The following EXOC6B variants were observed in gnomAD, a reference collection of about 807,000 sequenced individuals.
EXOC6B encodes the protein exocyst complex component 6B.
EXOC6B carries 54 observed loss-of-function variants against 113.5 expected under a neutral mutation model. The ratio of observed to expected loss-of-function variants is 0.48; its 90% CI spans 0.38 to 0.60. The LOEUF (loss-of-function observed/expected upper bound fraction) is 0.60, where lower values mean the gene tolerates loss of function less well. EXOC6B is among the 20% of genes least tolerant of loss of function. The probability of loss-of-function intolerance (pLI) is 0.00; values close to 1 mark genes in which losing one functional copy is unlikely to be tolerated. For missense variants in EXOC6B, 797 were observed against 977.5 expected (o/e 0.82, Z 2.46); for synonymous variants, 357 against 339.0 (o/e 1.05, Z -0.58).
chr2:72,228,535 G>T (rs780085565), intron 20 of EXOC6B, among the ~76,000 whole-genome samples: 14 of 151,504 alleles, frequency 9.2e-5, no homozygotes, highest in Non-Finnish European at 8.8e-5. Context: ...TTTTCCTTGC[G>T]ATAGTTTGCT....
Position 72,741,291 on chromosome 2 carries a change from A to G in EXOC6B, c.279+13T>C, listed in dbSNP as rs780616452. 1 of 1,610,370 alleles carries G rather than the reference A, an allele frequency of 6.2e-7. No homozygotes were observed. The highest frequency in any genetic ancestry group is 1.1e-5 in the South Asian group (1 of 90,642). On this transcript the variant is annotated intron_variant, in intron 2 of 21. Coordinates refer to ENST00000272427, the MANE Select transcript of EXOC6B (RefSeq NM_015189.3). ...ACAGGACGGAGAAACAGTATCTCTT[A>G]GAGCCTTCTTACTTTGAGTTTCTGG...
chr2:72,629,418 C>G (rs1340428928), intron 6 of EXOC6B, among the ~76,000 whole-genome samples: 5 of 152,108 alleles, frequency 3.3e-5, no homozygotes, highest in African/African-American at 9.7e-5. Flanking sequence ...CACAATAACT[C>G]AAGATAAAAT....
intron 6 of EXOC6B, among the ~76,000 whole-genome samples, chr2:72,605,031 C>T (rs919949987): frequency 6.6e-6 from 1 of 152,038 alleles, no homozygotes; most frequent in Non-Finnish European, 1.5e-5. Flanking sequence ...CAGTGGCTCA[C>T]GCCTGTAATC....
intron 1 of EXOC6B, among the ~76,000 whole-genome samples, chr2:72,813,929 A>G (rs1211219332): frequency 1.8e-4 from 27 of 152,228 alleles, no homozygotes; most frequent in Non-Finnish European, 8.8e-5. Flanking sequence ...CACAAAGAGG[A>G]GGAAAGAAAC....
chr2:72,711,753 T>G (rs781473727), intron 6 of EXOC6B, among the ~76,000 whole-genome samples: 7 of 152,054 alleles, frequency 4.6e-5, no homozygotes, highest in Admixed American at 6.6e-5. Flanking sequence ...ATACCCACAG[T>G]AAATCTGATA....
At chr2:72,736,694 T>A (rs939405108) in intron 2 of EXOC6B, among the ~76,000 whole-genome samples, 35 of 152,114 alleles carry the variant, frequency 2.3e-4, no homozygotes, top group Non-Finnish European at 4.0e-4. Flanking sequence ...TTCAGGAGCA[T>A]TATGAGCTAT....
chr2:72,587,857 C>A (rs1705691130), intron 6 of EXOC6B, among the ~76,000 whole-genome samples: 1 of 151,714 alleles, frequency 6.6e-6, no homozygotes, highest in South Asian at 2.1e-4. Context: ...CTAACCCAAT[C>A]TTTTTAATGG....
At chr2:72,646,337 G>A (rs1573548105) in intron 6 of EXOC6B, among the ~76,000 whole-genome samples, 1 of 151,966 alleles carries the variant, frequency 6.6e-6, no homozygotes, top group Non-Finnish European at 1.5e-5. Context: ...GGACCAGACA[G>A]ATTCACAGCT....
chr2:72,360,693 A>T (rs1690257602), intron 19 of EXOC6B, among the ~76,000 whole-genome samples: 1 of 152,176 alleles, frequency 6.6e-6, no homozygotes, highest in African/African-American at 2.4e-5. Context: ...ATGAAGCTCT[A>T]TTGCAGTAAT....
chr2:72,335,714 A>G (rs1020868295), intron 19 of EXOC6B, among the ~76,000 whole-genome samples: 1 of 152,126 alleles, frequency 6.6e-6, no homozygotes, highest in Non-Finnish European at 1.5e-5. Flanking sequence ...GAACATTTGC[A>G]CATGTCTGTC....
intron 18 of EXOC6B, among the ~76,000 whole-genome samples, chr2:72,450,390 CAG>C (rs1179825025): frequency 2.0e-5 from 3 of 152,136 alleles, no homozygotes; most frequent in Non-Finnish European, 2.9e-5. Flanking sequence ...ACCTGAAAGA[CAG>C]AGGTCACATG....
chr2:72,587,676 CAAAT>C (rs1344979225), intron 6 of EXOC6B, among the ~76,000 whole-genome samples: 2 of 151,706 alleles, frequency 1.3e-5, no homozygotes, highest in African/African-American at 2.4e-5. Flanking sequence ...TAAAAATAAA[CAAAT>C]AAATAAAATT....
intron 1 of EXOC6B, among the ~76,000 whole-genome samples, chr2:72,746,156 C>G (rs1043298188): frequency 3.9e-5 from 6 of 151,962 alleles, no homozygotes; most frequent in Admixed American, 2.6e-4. Context: ...ATCTTGAGAA[C>G]AAAGGCATAG....
intron 1 of EXOC6B, among the ~76,000 whole-genome samples, chr2:72,781,642 A>G (rs1430889730): frequency 6.6e-6 from 1 of 152,188 alleles, no homozygotes; most frequent in Non-Finnish European, 1.5e-5. Context: ...TGTGGCCTGC[A>G]TGCCAGTTAG....
At chr2:72,356,387 C>T (rs570701414) in intron 19 of EXOC6B, among the ~76,000 whole-genome samples, 2 of 152,186 alleles carry the variant, frequency 1.3e-5, no homozygotes, top group Admixed American at 1.3e-4. Flanking sequence ...CATTATCCAG[C>T]CAGGCATGGT....
chr2:72,728,459 A>C (rs1481062748), intron 5 of EXOC6B, among the ~76,000 whole-genome samples: 2 of 152,242 alleles, frequency 1.3e-5, no homozygotes, highest in Non-Finnish European at 2.9e-5. Context: ...TACTGGAAAC[A>C]TACCAAATGT....
intron 20 of EXOC6B, among the ~76,000 whole-genome samples, chr2:72,208,649 T>C (rs1679980467): frequency 6.6e-6 from 1 of 152,010 alleles, no homozygotes; most frequent in African/African-American, 2.4e-5. Flanking sequence ...TAAGTTCAGG[T>C]CTCATCTTAA....
At chr2:72,724,655 C>T (rs944388864) in intron 5 of EXOC6B, among the ~76,000 whole-genome samples, 1 of 151,730 alleles carries the variant, frequency 6.6e-6, no homozygotes, top group Admixed American at 6.6e-5. Flanking sequence ...GCAGAATTCG[C>T]AAAGGAGTAC....
chr2:72,816,931 C>G (rs539876239), intron 1 of EXOC6B, among the ~76,000 whole-genome samples: 3 of 152,252 alleles, frequency 2.0e-5, no homozygotes, highest in South Asian at 2.1e-4. Context: ...CTAACTGAAC[C>G]AAATCAACAT....
Sources: gnomAD v4.1 joint callset for allele counts (sites outside exome capture counted in the v4.1 genomes callset) on GRCh38, gnomAD v4.1.1 for gene constraint, MANE v1.5 for transcripts, NCBI Gene and HGNC (gene_info 2026-07-23, HGNC 2026-07-21) for gene names.